The following TK2 variants were observed in gnomAD, a reference collection of about 807,000 sequenced individuals.
TK2 encodes thymidine kinase 2, mitochondrial.
In TK2, 35 loss-of-function variants were observed where a neutral mutation model predicts 41.9. The ratio of observed to expected loss-of-function variants is 0.84; its 90% CI spans 0.64 to 1.11. The LOEUF is 1.11. TK2 is among the 50% of genes least tolerant of loss of function. The pLI is 0.00. For missense variants in TK2, 320 were observed against 351.1 expected (o/e 0.91, Z 0.71); for synonymous variants, 128 against 129.1 (o/e 0.99, Z 0.06).
intron 6 of TK2, among the ~76,000 whole-genome samples, chr16:66,528,225 C>A (rs974506625): frequency 1.3e-5 from 2 of 152,098 alleles, no homozygotes; most frequent in Non-Finnish European, 2.9e-5. Flanking sequence ...ATCCCAAGCT[C>A]GCGGCAGGGA....
At chr16:66,545,458 C>T (rs933488523) in intron 2 of TK2, among the ~76,000 whole-genome samples, 6 of 152,178 alleles carry the variant, frequency 3.9e-5, no homozygotes, top group Admixed American at 2.6e-4. Context: ...TACAGCCACG[C>T]CATGAATACT....
chr16:66,536,459 C>T (rs1212582088), intron 4 of TK2, among the ~76,000 whole-genome samples: 1 of 152,110 alleles, frequency 6.6e-6, no homozygotes, highest in Non-Finnish European at 1.5e-5. Context: ...GGACACAGCA[C>T]ACTACAGCCC....
At chr16:66,540,206 T>C (rs1965418418) in intron 3 of TK2, among the ~76,000 whole-genome samples, 1 of 144,060 alleles carries the variant, frequency 6.9e-6, no homozygotes, top group Non-Finnish European at 1.5e-5. Context: ...AGGGCCTCAC[T>C]CTGTCACCCA....
intron 3 of TK2, among the ~76,000 whole-genome samples, chr16:66,537,706 C>A (rs1163886328): frequency 6.6e-6 from 1 of 152,202 alleles, no homozygotes; most frequent in Non-Finnish European, 1.5e-5. Context: ...TCTGCTAGAG[C>A]CTTTCTGGGT....
intron 3 of TK2, among the ~76,000 whole-genome samples, chr16:66,537,292 T>C (rs2144437437): frequency 6.6e-6 from 1 of 152,338 alleles, no homozygotes; most frequent in Middle Eastern, 3.4e-3. Context: ...TACCTCTCTA[T>C]TGCCCTGGTA....
chr16:66,529,448 C>T (rs1052864898), intron 5 of TK2, among the ~76,000 whole-genome samples: 6 of 152,238 alleles, frequency 3.9e-5, no homozygotes, highest in Non-Finnish European at 5.9e-5. Flanking sequence ...GTGACTACCA[C>T]GGACCTAAAT....
intron 6 of TK2, among the ~76,000 whole-genome samples, chr16:66,526,062 C>G (rs1042479119): frequency 6.6e-6 from 1 of 152,134 alleles, no homozygotes; most frequent in Non-Finnish European, 1.5e-5. Flanking sequence ...GGACCATGGG[C>G]GTGAGTTACC....
chr16:66,532,637 A>T (rs1373136925), intron 4 of TK2, among the ~76,000 whole-genome samples: 8 of 151,946 alleles, frequency 5.3e-5, no homozygotes, highest in Admixed American at 2.6e-4. Flanking sequence ...ATTAATTAAT[A>T]AAAGTAAAAT....
rs1334178335 is a variant in TK2 at position 66,509,141 on chromosome 16, T to C, written c.*2827A>G. 1 of 152,362 alleles carries C rather than the reference T, an allele frequency of 6.6e-6. No individual in the cohort carries two copies. Among genetic ancestry groups the C allele is most frequent in the African/African-American group, 2.4e-5 (1 of 41,448 alleles). The allele number at this position is 152,362 out of a possible 1,614,324, so 9.4% of individuals were successfully genotyped here. A position where few individuals can be genotyped will look rare whatever the true frequency, so the allele number is the denominator to read the frequency against. On this transcript the variant is annotated 3_prime_UTR_variant, in exon 10 of 10. Transcript: ENST00000544898. The stretch of plus-strand genomic sequence containing the variant: ...CTCGTAAGAACCTTCCAGCTTATCT[T>C]AGTTATGCCTTGGAAAGGGACATTA...
chr16:66,542,214 C>T (rs531370781), intron 2 of TK2, among the ~76,000 whole-genome samples: 1 of 152,298 alleles, frequency 6.6e-6, no homozygotes, highest in African/African-American at 2.4e-5. Context: ...AAACCATACA[C>T]AGCTTGTCTG....
At chr16:66,519,257 C>G (rs1964708651) in intron 6 of TK2, among the ~76,000 whole-genome samples, 1 of 152,188 alleles carries the variant, frequency 6.6e-6, no homozygotes, top group South Asian at 2.1e-4. Flanking sequence ...CAGCTCACAG[C>G]AATCTCCGCC....
At chr16:66,547,411 T>C (rs1200003066) in intron 2 of TK2, among the ~76,000 whole-genome samples, 6 of 152,134 alleles carry the variant, frequency 3.9e-5, no homozygotes, top group African/African-American at 1.4e-4. Context: ...TTTTAGGACC[T>C]ATTCTCAGTC....
chr16:66,517,652 G>T lies in TK2; in HGVS notation c.538+137C>A. 1 of 793,540 alleles carries T rather than the reference G, an allele frequency of 1.3e-6. No homozygotes were observed. Among genetic ancestry groups the T allele is most frequent in the Non-Finnish European group, 2.2e-6 (1 of 448,322 alleles). The allele number at this position is 793,540 out of a possible 1,614,324, so 49.2% of individuals were successfully genotyped here. A position where few individuals can be genotyped will look rare whatever the true frequency, so the allele number is the denominator to read the frequency against. On this transcript the variant is annotated intron_variant, in intron 7 of 9. Transcript: ENST00000544898. The surrounding 1 kb of genome is among the most constrained non-coding windows in gnomAD (Gnocchi z 4.3). ...AATTCTGTCTGCCCTCAGGGAGAAA[G>T]CTGAACTCCCATGGGGAAGGAACTG...
Position 66,549,217 on chromosome 16 carries a change from C to T in TK2, c.125-208G>A, listed in dbSNP as rs576183043. On this transcript the variant is annotated intron_variant, in intron 1 of 9. Coordinates refer to ENST00000544898, the MANE Select transcript of TK2 (RefSeq NM_004614.5). ...GGGCTGCAGCTGCAGCTTCGTGGAC[C>T]CCCAGTGTGCTCGAGTTCTTTCACT... 2.6e-5 allele frequency: 37 copies of T among 1,433,592 alleles called. No individual in the cohort carries two copies. The African/African-American group carries it at 3.0e-4, about 12-fold the overall frequency. 88.8% of individuals were successfully genotyped at this position (1,433,592 alleles called of 1,614,324 possible).
At chr16:66,528,228 G>A (rs547530915) in intron 6 of TK2, among the ~76,000 whole-genome samples, 1 of 152,196 alleles carries the variant, frequency 6.6e-6, no homozygotes, top group Admixed American at 6.5e-5. Context: ...CCAAGCTCGC[G>A]GCAGGGACAG....
At chr16:66,547,138 G>C (rs915218904) in intron 2 of TK2, among the ~76,000 whole-genome samples, 1 of 152,120 alleles carries the variant, frequency 6.6e-6, no homozygotes, top group African/African-American at 2.4e-5. Context: ...ACTGTGCCAT[G>C]TAATGGCTGC....
intron 2 of TK2, 64 bp downstream of exon 2, chr16:66,548,911 GCTT>G (rs2144491792): frequency 6.7e-7 from 1 of 1,486,796 alleles, no homozygotes; most frequent in Admixed American, 1.8e-5. Context: ...TTTTTACTCT[GCTT>G]TTTTCTCTCT....
At chr16:66,526,431 C>CA (rs1964932903) in intron 6 of TK2, among the ~76,000 whole-genome samples, 2 of 152,116 alleles carry the variant, frequency 1.3e-5, no homozygotes, top group Admixed American at 6.5e-5. Context: ...CATTCCATTC[C>CA]AGATTACTTG....
At chr16:66,548,534 G>T in intron 2 of TK2, 1 of 223,770 alleles carries the variant, frequency 4.5e-6, no homozygotes, top group Non-Finnish European at 9.1e-6. Context: ...CCTGATAACT[G>T]AACCCACATC....
Sources: allele counts gnomAD v4.1 joint callset (sites outside exome capture counted in the v4.1 genomes callset), GRCh38; gene constraint gnomAD v4.1.1; non-coding constraint Gnocchi (gnomAD v3.1); transcripts MANE v1.5; gene names NCBI Gene and HGNC (gene_info 2026-07-23, HGNC 2026-07-21).